Variants in SLC23A2 observed in about 807,000 individuals in gnomAD.
The protein encoded by SLC23A2 is Na(+)/L-ascorbic acid transporter 2.
SLC23A2 carries 36 observed loss-of-function variants against 73.3 expected under a neutral mutation model. The ratio of observed to expected loss-of-function variants is 0.49; its 90% CI spans 0.38 to 0.65. SLC23A2 has a LOEUF of 0.65. Ranked by LOEUF, SLC23A2 falls within the 30% of genes least tolerant of loss-of-function variation. The probability of loss-of-function intolerance (pLI) is 0.00; values close to 1 mark genes in which losing one functional copy is unlikely to be tolerated. For synonymous variants in SLC23A2, 343 were observed against 327.3 expected (o/e 1.05, Z -0.52); for missense variants, 507 against 841.6 (o/e 0.60, Z 4.92).
chr20:4,878,962 T>G (rs539876693), intron 9 of SLC23A2, among the ~76,000 whole-genome samples: 45 of 152,344 alleles, frequency 3.0e-4, no homozygotes, highest in African/African-American at 9.9e-4. Context: ...TTTTACTTTC[T>G]TGTTTTATAA....
chr20:5,009,184 G>C (rs2088222563), intron 1 of SLC23A2, among the ~76,000 whole-genome samples: 1 of 152,092 alleles, frequency 6.6e-6, no homozygotes, highest in Non-Finnish European at 1.5e-5. Context: ...ATTTCCTAGT[G>C]GTTCTTCTAC....
intron 6 of SLC23A2, among the ~76,000 whole-genome samples, chr20:4,889,902 G>A (rs1210955504): frequency 6.6e-6 from 1 of 152,162 alleles, no homozygotes; most frequent in African/African-American, 2.4e-5. Context: ...CTGCACATTT[G>A]GAAGAGAGTG....
At chr20:4,885,961 T>A in intron 6 of SLC23A2, 52 bp from the exon 7 acceptor site, 1 of 1,193,102 alleles carries the variant, frequency 8.4e-7, no homozygotes, top group Non-Finnish European at 1.2e-6. Flanking sequence ...ACTACCGAGG[T>A]AGTTCACTAT....
At chr20:4,907,028 A>G (rs1931981897) in intron 4 of SLC23A2, among the ~76,000 whole-genome samples, 1 of 152,194 alleles carries the variant, frequency 6.6e-6, no homozygotes. Flanking sequence ...AACTCCGCAA[A>G]CTGGTCAGAC....
chr20:4,926,510 C>CTTTTTTT (rs3055953), intron 3 of SLC23A2, among the ~76,000 whole-genome samples: 26 of 104,972 alleles, frequency 2.5e-4, no homozygotes, highest in Non-Finnish European at 2.9e-4. Context: ...ATTTTTTTTG[C>CTTTTTTT]TTTTTTTTTT....
intron 13 of SLC23A2, among the ~76,000 whole-genome samples, chr20:4,864,858 G>A (rs758566979): frequency 6.6e-6 from 1 of 152,104 alleles, no homozygotes; most frequent in South Asian, 2.1e-4. Flanking sequence ...TGGCAGGGTC[G>A]GGCAGGCCTG....
intron 1 of SLC23A2, among the ~76,000 whole-genome samples, chr20:4,988,234 G>A (rs1205662509): frequency 6.6e-5 from 10 of 151,966 alleles, no homozygotes; most frequent in African/African-American, 9.7e-5. Context: ...CCAGGGAGGC[G>A]GAGGTTGCAG....
chr20:4,867,056 C>CT (rs1411455142), intron 13 of SLC23A2, among the ~76,000 whole-genome samples: 2 of 39,540 alleles, frequency 5.1e-5, no homozygotes, highest in East Asian at 4.3e-4. Context: ...AAAGCGATCC[C>CT]TAAAAAAAAA....
chr20:4,893,062 C>T (rs961291850), intron 6 of SLC23A2, among the ~76,000 whole-genome samples: 9 of 151,498 alleles, frequency 5.9e-5, no homozygotes, highest in African/African-American at 2.2e-4. Context: ...ATGCTATCTG[C>T]AACTTTACTT....
rs529078188 is a variant in SLC23A2, at chr20:4,962,216, C to G, written c.-155+8577G>C. 3.3e-5 allele frequency among the ~76,000 whole-genome samples: 5 copies of G among 151,566 alleles called. No homozygotes were observed. In the East Asian group the frequency reaches 9.7e-4, roughly 29 times the overall value. The stretch of plus-strand genomic sequence containing the variant: ...GAAATAGAGAAAGTCACCTTGTTAT[C>G]TGGTTTCTCTCCAGCAGAGTTCAAC... On this transcript the variant is annotated intron_variant, in intron 2 of 16. Transcript: ENST00000338244.
At chr20:5,003,876 T>C (rs2088161248), upstream of SLC23A2, among the ~76,000 whole-genome samples, 1 of 152,152 alleles carries the variant, frequency 6.6e-6, no homozygotes. Flanking sequence ...CTTTTCTTCT[T>C]TGATGGCTCT....
intron 4 of SLC23A2, among the ~76,000 whole-genome samples, chr20:4,906,458 G>A (rs1180041404): frequency 3.3e-5 from 5 of 151,766 alleles, no homozygotes; most frequent in African/African-American, 1.2e-4. Flanking sequence ...TGTCTCTACT[G>A]AAAATACAAA....
intron 3 of SLC23A2, among the ~76,000 whole-genome samples, chr20:4,926,742 G>C (rs1403117229): frequency 9.9e-5 from 15 of 152,046 alleles, no homozygotes; most frequent in Admixed American, 8.5e-4. Flanking sequence ...CTTTGACCTA[G>C]TGGACATTCT....
chr20:4,963,414 G>C (rs1030854295), intron 2 of SLC23A2, among the ~76,000 whole-genome samples: 2 of 151,970 alleles, frequency 1.3e-5, no homozygotes, highest in Non-Finnish European at 1.5e-5. Context: ...CTGGCTTCAG[G>C]ACCCCTTAGT....
rs749249454 is a variant in SLC23A2, at chr20:4,869,958, C to T, written c.1198G>A (p.Ala400Thr). 8 of 1,613,618 alleles carry T rather than the reference C, an allele frequency of 5.0e-6. No individual in the cohort carries two copies. Among genetic ancestry groups the T allele is most frequent in the African/African-American group, 2.7e-5 (2 of 74,822 alleles). ...SIIESIGDYY[A>T]CARLSCAPPP... The stretch of plus-strand genomic sequence containing the variant: ...GGGGCACAGGACAGCCGTGCACAGG[C>T]GTAGTAGTCACCAATAGACTCGATG... Residue 400 changes from alanine (A) to threonine (T), a missense_variant, in exon 12 of 17, where the codon GCC becomes ACC. Around this residue, in one of 5 missense-constraint regions of SLC23A2, gnomAD observed 217 missense variants for 398.0 expected, o/e 0.55. Transcript: ENST00000338244.
chr20:4,939,061 G>T (rs2087002966), intron 2 of SLC23A2, among the ~76,000 whole-genome samples: 2 of 152,104 alleles, frequency 1.3e-5, no homozygotes. Context: ...GGGCAAGATA[G>T]CAAGACCCCA....
intron 4 of SLC23A2, among the ~76,000 whole-genome samples, chr20:4,908,265 T>C (rs1932025963): frequency 6.6e-6 from 1 of 152,154 alleles, no homozygotes; most frequent in Admixed American, 6.5e-5. Flanking sequence ...CTTGAGCATG[T>C]GTAAAGAGAT....
intron 1 of SLC23A2, among the ~76,000 whole-genome samples, chr20:4,987,786 T>C (rs1355540323): frequency 1.3e-5 from 2 of 150,992 alleles, no homozygotes; most frequent in Non-Finnish European, 2.9e-5. Flanking sequence ...AGGCGGAGCT[T>C]GCAGTGAGCC....
At chr20:4,985,479 G>A (rs145361638) in intron 1 of SLC23A2, among the ~76,000 whole-genome samples, 3 of 149,300 alleles carry the variant, frequency 2.0e-5, no homozygotes, top group Admixed American at 6.7e-5. Flanking sequence ...ACAGGGTCTC[G>A]CTCTATTGCC....
Sources: gnomAD v4.1 joint callset for allele counts (sites outside exome capture counted in the v4.1 genomes callset) on GRCh38, gnomAD v4.1.1 for gene constraint, gnomAD v4.1.1 regional missense constraint, MANE v1.5 for transcripts, NCBI Gene and HGNC (gene_info 2026-07-23, HGNC 2026-07-21) for gene names.